The following MACROD2 variants were observed in gnomAD, a reference collection of about 807,000 sequenced individuals.
The protein encoded by MACROD2 is mono-ADP ribosylhydrolase 2.
In MACROD2, 36 loss-of-function variants were observed where a neutral mutation model predicts 70.4. The observed-to-expected ratio is 0.51, with a 90% CI of 0.39 to 0.68. The LOEUF is 0.68. Ranked by LOEUF, MACROD2 falls within the 30% of genes least tolerant of loss-of-function variation. The pLI, the probability that MACROD2 is intolerant of heterozygous loss-of-function variation, is 0.00. For synonymous variants in MACROD2, 172 were observed against 178.8 expected (o/e 0.96, Z 0.30); for missense variants, 496 against 538.4 (o/e 0.92, Z 0.78).
At chr20:15,562,542 T>C (rs2048258430) in intron 8 of MACROD2, among the ~76,000 whole-genome samples, 1 of 151,858 alleles carries the variant, frequency 6.6e-6, no homozygotes. Context: ...AGGTAATGTT[T>C]GTGTGTGTGT....
chr20:14,626,577 T>G (rs756153859), intron 4 of MACROD2, among the ~76,000 whole-genome samples: 3 of 152,152 alleles, frequency 2.0e-5, no homozygotes. Flanking sequence ...ACACAGGGAA[T>G]GCTGCCACAA....
intron 5 of MACROD2, among the ~76,000 whole-genome samples, chr20:15,090,058 A>G (rs1056599938): frequency 6.6e-6 from 1 of 152,144 alleles, no homozygotes; most frequent in Non-Finnish European, 1.5e-5. Flanking sequence ...TTGAGAGAGA[A>G]TAAAAATCAC....
intron 3 of MACROD2, among the ~76,000 whole-genome samples, chr20:14,273,459 A>G (rs1389794399): frequency 6.7e-6 from 1 of 149,352 alleles, no homozygotes; most frequent in Non-Finnish European, 1.5e-5. Context: ...GAACAAAGAC[A>G]CAACATACCA....
intron 5 of MACROD2, among the ~76,000 whole-genome samples, chr20:15,165,689 A>C (rs1256056117): frequency 1.3e-5 from 2 of 152,236 alleles, no homozygotes; most frequent in African/African-American, 4.8e-5. Flanking sequence ...TTATTTCATA[A>C]AATCATTCCA....
At chr20:14,430,574 G>A (rs1030096526) in intron 3 of MACROD2, among the ~76,000 whole-genome samples, 32 of 152,230 alleles carry the variant, frequency 2.1e-4, no homozygotes, top group South Asian at 4.1e-4. Flanking sequence ...CACAGAGGAC[G>A]AACATATTTA....
intron 5 of MACROD2, among the ~76,000 whole-genome samples, chr20:15,137,275 C>T (rs1199176200): frequency 6.6e-6 from 1 of 151,838 alleles, no homozygotes; most frequent in African/African-American, 2.4e-5. Flanking sequence ...TTTATTGCGG[C>T]ACTATTCACG....
intron 4 of MACROD2, among the ~76,000 whole-genome samples, chr20:14,503,791 T>C (rs545794686): frequency 6.6e-6 from 1 of 152,362 alleles, no homozygotes; most frequent in South Asian, 2.1e-4. Context: ...TGTGGTATGA[T>C]GTCCATGCCT....
chr20:14,291,596 C>T (rs1348864010), intron 3 of MACROD2, among the ~76,000 whole-genome samples: 1 of 151,834 alleles, frequency 6.6e-6, no homozygotes, highest in Non-Finnish European at 1.5e-5. Flanking sequence ...GAAACTGTGG[C>T]TCATGTTTTC....
chr20:15,104,012 G>A (rs941005923), intron 5 of MACROD2, among the ~76,000 whole-genome samples: 2 of 152,146 alleles, frequency 1.3e-5, no homozygotes, highest in Non-Finnish European at 2.9e-5. Context: ...TATCACACAA[G>A]TGATGGTGAT....
At chr20:15,335,476 CT>C (rs11480326) in intron 6 of MACROD2, among the ~76,000 whole-genome samples, 1 of 150,486 alleles carries the variant, frequency 6.6e-6, no homozygotes, top group Non-Finnish European at 1.5e-5. Context: ...TGTAATATTT[CT>C]TTTTTTTGCT....
chr20:15,598,105 G>A (rs990401558), intron 8 of MACROD2, among the ~76,000 whole-genome samples: 2 of 152,128 alleles, frequency 1.3e-5, no homozygotes, highest in African/African-American at 4.8e-5. Flanking sequence ...TTGAGGTAAA[G>A]GAGGAAGGAT....
chr20:14,420,509 G>A (rs1236233170), intron 3 of MACROD2, among the ~76,000 whole-genome samples: 2 of 152,002 alleles, frequency 1.3e-5, no homozygotes, highest in African/African-American at 4.8e-5. Flanking sequence ...CTGGCCATTC[G>A]TGTATCTTCT....
At chr20:15,741,246 C>T (rs544277814) in intron 8 of MACROD2, among the ~76,000 whole-genome samples, 2 of 150,042 alleles carry the variant, frequency 1.3e-5, no homozygotes, top group East Asian at 3.9e-4. Flanking sequence ...CACACACCAC[C>T]ACACCCGGCT....
chr20:15,959,228 C>T (rs1242512375), intron 12 of MACROD2, among the ~76,000 whole-genome samples: 4 of 152,096 alleles, frequency 2.6e-5, no homozygotes, highest in Non-Finnish European at 5.9e-5. Context: ...GTTTATGAGG[C>T]AAAACATTGT....
At chr20:16,017,179 C>T (rs985192838) in intron 15 of MACROD2, among the ~76,000 whole-genome samples, 3 of 152,218 alleles carry the variant, frequency 2.0e-5, no homozygotes, top group African/African-American at 4.8e-5. Flanking sequence ...TTAATTCACT[C>T]ATGCCTTTGT....
At chr20:15,484,306 T>C (rs1411480906) in intron 7 of MACROD2, among the ~76,000 whole-genome samples, 2 of 152,090 alleles carry the variant, frequency 1.3e-5, no homozygotes, top group South Asian at 2.1e-4. Context: ...CCTTTAGTCA[T>C]GTGGTGGTTA....
intron 4 of MACROD2, among the ~76,000 whole-genome samples, chr20:14,535,751 G>A (rs1266497205): frequency 6.6e-6 from 1 of 152,100 alleles, no homozygotes; most frequent in Non-Finnish European, 1.5e-5. Context: ...CCTTGGATTA[G>A]ATGGTCAGGT....
chr20:15,168,376 T>C (rs2145884424), intron 5 of MACROD2, among the ~76,000 whole-genome samples: 1 of 152,092 alleles, frequency 6.6e-6, no homozygotes, highest in Non-Finnish European at 1.5e-5. Context: ...GAATACACTT[T>C]CTGTGCTGCC....
intron 5 of MACROD2, among the ~76,000 whole-genome samples, chr20:15,225,119 C>G (rs2076894529): frequency 6.6e-6 from 1 of 151,862 alleles, no homozygotes; most frequent in Non-Finnish European, 1.5e-5. Context: ...CATTTAAACC[C>G]TATATTTATC....
Sources: allele counts gnomAD v4.1 joint callset (sites outside exome capture counted in the v4.1 genomes callset), GRCh38; gene constraint gnomAD v4.1.1; transcripts MANE v1.5; gene names NCBI Gene and HGNC (gene_info 2026-07-23, HGNC 2026-07-21).